Variants in ITGA9 observed in about 807,000 individuals in gnomAD.
ITGA9 encodes integrin subunit alpha 9.
In ITGA9, 56 loss-of-function variants were observed where a neutral mutation model predicts 127.8. The ratio of observed to expected loss-of-function variants is 0.44; its 90% CI spans 0.35 to 0.55. ITGA9 has a LOEUF of 0.55. Ranked by LOEUF, ITGA9 falls within the 20% of genes least tolerant of loss-of-function variation. The probability of loss-of-function intolerance (pLI) is 0.00; values close to 1 mark genes in which losing one functional copy is unlikely to be tolerated. For synonymous variants in ITGA9, 508 were observed against 514.5 expected (o/e 0.99, Z 0.17); for missense variants, 1,196 against 1,347.1 (o/e 0.89, Z 1.76).
chr3:37,779,517 A>G (rs1427041471), intron 24 of ITGA9, among the ~76,000 whole-genome samples: 2 of 152,228 alleles, frequency 1.3e-5, no homozygotes, highest in Non-Finnish European at 1.5e-5. Context: ...ATTTGCCACT[A>G]CACAGGTGGA....
At chr3:37,574,865 C>G (rs1699638002) in intron 15 of ITGA9, among the ~76,000 whole-genome samples, 2 of 152,156 alleles carry the variant, frequency 1.3e-5, no homozygotes, top group African/African-American at 4.8e-5. Context: ...GGGGCTCCAG[C>G]AGGATCAGAA....
intron 23 of ITGA9, among the ~76,000 whole-genome samples, chr3:37,762,753 C>T (rs1450544114): frequency 1.3e-5 from 2 of 152,212 alleles, no homozygotes; most frequent in African/African-American, 4.8e-5. Flanking sequence ...TTTCCTTTAG[C>T]CACTTGCAGG....
chr3:37,656,952 T>C (rs1700484400), intron 17 of ITGA9, among the ~76,000 whole-genome samples: 2 of 152,280 alleles, frequency 1.3e-5, no homozygotes, highest in South Asian at 4.1e-4. Context: ...GATAATCATG[T>C]GTTTTTTTTT....
At chr3:37,779,574 T>C (rs752883093) in intron 24 of ITGA9, among the ~76,000 whole-genome samples, 1 of 152,174 alleles carries the variant, frequency 6.6e-6, no homozygotes, top group Non-Finnish European at 1.5e-5. Context: ...CTCATAAGAA[T>C]GCTTTCAGAA....
At chr3:37,548,413 C>G (rs1699348438) in intron 15 of ITGA9, among the ~76,000 whole-genome samples, 1 of 152,188 alleles carries the variant, frequency 6.6e-6, no homozygotes, top group Non-Finnish European at 1.5e-5. Flanking sequence ...TAAAACTTAA[C>G]AGAGTGCACA....
At chr3:37,768,021 G>A (rs1252510674) in intron 23 of ITGA9, among the ~76,000 whole-genome samples, 1 of 152,190 alleles carries the variant, frequency 6.6e-6, no homozygotes, top group Non-Finnish European at 1.5e-5. Flanking sequence ...GAGCCTGTGA[G>A]CATCCACCCT....
intron 15 of ITGA9, among the ~76,000 whole-genome samples, chr3:37,568,435 C>A (rs1298103245): frequency 6.6e-6 from 1 of 152,256 alleles, no homozygotes; most frequent in African/African-American, 2.4e-5. Context: ...TAACATTTGG[C>A]TCCTCAGTAC....
At chr3:37,571,407 A>G (rs1043086880) in intron 15 of ITGA9, among the ~76,000 whole-genome samples, 4 of 152,196 alleles carry the variant, frequency 2.6e-5, no homozygotes, top group African/African-American at 9.6e-5. Flanking sequence ...GTGGGAAGTG[A>G]TTCAAGAGGC....
At chr3:37,487,900 A>T (rs1406204768) in intron 4 of ITGA9, among the ~76,000 whole-genome samples, 2 of 152,076 alleles carry the variant, frequency 1.3e-5, no homozygotes, top group Non-Finnish European at 2.9e-5. Flanking sequence ...TTGTTAAGCT[A>T]TGTTTCAGTT....
intron 27 of ITGA9, among the ~76,000 whole-genome samples, chr3:37,815,777 G>A (rs1274104023): frequency 2.6e-5 from 4 of 152,226 alleles, no homozygotes; most frequent in South Asian, 2.1e-4. Flanking sequence ...AGTATTCAGC[G>A]GCTTAAAAGC....
chr3:37,482,036 A>G (rs1376557032), intron 4 of ITGA9, among the ~76,000 whole-genome samples: 2 of 152,196 alleles, frequency 1.3e-5, no homozygotes, highest in Non-Finnish European at 2.9e-5. Flanking sequence ...TGATCTCTAC[A>G]GCCCCAGGCA....
At chr3:37,777,940 G>T (rs1696927416) in intron 24 of ITGA9, among the ~76,000 whole-genome samples, 1 of 152,276 alleles carries the variant, frequency 6.6e-6, no homozygotes, top group South Asian at 2.1e-4. Flanking sequence ...ACATGAAAAA[G>T]GATGCTCACA....
At chr3:37,625,908 A>G (rs534872649) in intron 15 of ITGA9, among the ~76,000 whole-genome samples, 1 of 152,254 alleles carries the variant, frequency 6.6e-6, no homozygotes, top group East Asian at 1.9e-4. Context: ...TTCTGCCCAG[A>G]GCTACTGGGA....
chr3:37,590,875 G>C (rs1347099579), intron 15 of ITGA9, among the ~76,000 whole-genome samples: 1 of 152,172 alleles, frequency 6.6e-6, no homozygotes, highest in Non-Finnish European at 1.5e-5. Flanking sequence ...CATAGATGCA[G>C]GGCACCCTGC....
At chr3:37,666,713 G>A (rs1467485729) in intron 17 of ITGA9, among the ~76,000 whole-genome samples, 3 of 152,196 alleles carry the variant, frequency 2.0e-5, no homozygotes, top group Non-Finnish European at 4.4e-5. Context: ...CAAAGCAAAT[G>A]TCACAGGGTC....
intron 17 of ITGA9, among the ~76,000 whole-genome samples, chr3:37,680,732 A>G (rs915432262): frequency 1.3e-5 from 2 of 152,216 alleles, no homozygotes; most frequent in African/African-American, 4.8e-5. Context: ...TTCCTTCTCA[A>G]GATAAAGCTA....
At chr3:37,543,324 C>T (rs1699294088) in intron 15 of ITGA9, among the ~76,000 whole-genome samples, 1 of 152,058 alleles carries the variant, frequency 6.6e-6, no homozygotes, top group African/African-American at 2.4e-5. Context: ...TTAATCCAGG[C>T]CACATGGTGG....
chr3:37,788,884 C>A (rs1697071698), intron 26 of ITGA9, among the ~76,000 whole-genome samples: 1 of 152,106 alleles, frequency 6.6e-6, no homozygotes, highest in South Asian at 2.1e-4. Flanking sequence ...GTTTCTACTG[C>A]TGCCTGCCTC....
intron 15 of ITGA9, among the ~76,000 whole-genome samples, chr3:37,623,604 T>A (rs1208988581): frequency 6.6e-6 from 1 of 152,140 alleles, no homozygotes; most frequent in Non-Finnish European, 1.5e-5. Flanking sequence ...ATATTTTTAA[T>A]TTTTTTAAAT....
Sources: gnomAD v4.1 joint callset for allele counts (sites outside exome capture counted in the v4.1 genomes callset) on GRCh38, gnomAD v4.1.1 for gene constraint, MANE v1.5 for transcripts, NCBI Gene and HGNC (gene_info 2026-07-23, HGNC 2026-07-21) for gene names.